Variants in SLC35F1 observed in about 807,000 individuals in gnomAD.
SLC35F1 encodes the protein chromosome 6 open reading frame 169.
A neutral mutation model predicts 48.7 loss-of-function variants in SLC35F1; 14 were observed. The ratio of observed to expected loss-of-function variants is 0.29; its 90% CI spans 0.19 to 0.45. SLC35F1 has a LOEUF of 0.45. Among genes scored for constraint, SLC35F1 ranks in the 20% least tolerant of loss-of-function variants. SLC35F1 has a pLI of 1.00. For missense variants in SLC35F1, 404 were observed against 500.0 expected (o/e 0.81, Z 1.83); for synonymous variants, 190 against 202.2 (o/e 0.94, Z 0.51).
chr6:117,982,686 A>G lies in SLC35F1; in HGVS notation c.173+74787A>G, dbSNP rs75944331. 6.1e-3 allele frequency among the ~76,000 whole-genome samples: 933 copies of G among 152,336 alleles called. 12 individuals are homozygous for G. The highest frequency in any genetic ancestry group is 0.021 in the African/African-American group (886 of 41,574). On this transcript the variant is annotated intron_variant, in intron 1 of 7. Coordinates refer to ENST00000360388, the MANE Select transcript of SLC35F1 (RefSeq NM_001029858.4). ...AAGTGCTTCCAACTGGCAGAATTGT[A>G]TGAACATTATCAGTGAGAACTTCTC...
At chr6:118,132,863 C>T (rs11153724) in intron 1 of SLC35F1, among the ~76,000 whole-genome samples, 50,105 of 151,960 alleles carry the variant, frequency 0.33, 9,354 homozygotes, top group Non-Finnish European at 0.43. Context: ...GCAGAAGGGG[C>T]GGGGTATATC....
chr6:118,077,590 G>A (rs193051865), intron 1 of SLC35F1, among the ~76,000 whole-genome samples: 23 of 152,172 alleles, frequency 1.5e-4, no homozygotes, highest in Admixed American at 1.3e-4. Flanking sequence ...CATAATATAC[G>A]TGTAAAGTAG....
At chr6:117,917,779 T>C (rs1387003728) in intron 1 of SLC35F1, among the ~76,000 whole-genome samples, 1 of 151,842 alleles carries the variant, frequency 6.6e-6, no homozygotes, top group African/African-American at 2.4e-5. Context: ...TGGGGAGAAG[T>C]CAGAGCTTGG....
chr6:118,096,698 A>T (rs1349035604), intron 1 of SLC35F1, among the ~76,000 whole-genome samples: 1 of 152,260 alleles, frequency 6.6e-6, no homozygotes, highest in South Asian at 2.1e-4. Flanking sequence ...GCCAAGGGAG[A>T]TACACCACTC....
At chr6:118,015,531 A>G (rs568876288) in intron 1 of SLC35F1, among the ~76,000 whole-genome samples, 1 of 151,906 alleles carries the variant, frequency 6.6e-6, no homozygotes, top group South Asian at 2.1e-4. Flanking sequence ...CACAGAGAAC[A>G]TGCGGTGTTT....
intron 2 of SLC35F1, among the ~76,000 whole-genome samples, chr6:118,173,074 TC>T (rs748031197): frequency 2.0e-5 from 3 of 152,080 alleles, no homozygotes; most frequent in East Asian, 3.9e-4. Context: ...TCATCTTTAA[TC>T]CCCACAAGCA....
intron 1 of SLC35F1, among the ~76,000 whole-genome samples, chr6:117,955,076 C>T (rs1482970120): frequency 1.3e-5 from 2 of 151,966 alleles, no homozygotes; most frequent in Admixed American, 6.6e-5. Flanking sequence ...AAAAATGTAC[C>T]ATGGGTAAGT....
chr6:117,980,788 AG>A (rs1016310301), intron 1 of SLC35F1, among the ~76,000 whole-genome samples: 105 of 152,332 alleles, frequency 6.9e-4, no homozygotes, highest in African/African-American at 2.5e-3. Flanking sequence ...TTTTCAAAGG[AG>A]GTGACATCTG....
intron 7 of SLC35F1, among the ~76,000 whole-genome samples, chr6:118,299,440 G>A (rs1776231050): frequency 6.6e-6 from 1 of 152,146 alleles, no homozygotes; most frequent in Non-Finnish European, 1.5e-5. Context: ...ATGAAGCCTA[G>A]AGATCTGTTT....
At chr6:118,106,293 T>C (rs1437240225) in intron 1 of SLC35F1, among the ~76,000 whole-genome samples, 1 of 152,208 alleles carries the variant, frequency 6.6e-6, no homozygotes, top group Non-Finnish European at 1.5e-5. Context: ...GTATACTCAA[T>C]GTCTTTCTTT....
chr6:118,303,145 T>G (rs2114662408), intron 7 of SLC35F1, among the ~76,000 whole-genome samples: 1 of 152,326 alleles, frequency 6.6e-6, no homozygotes. Context: ...CCAATACTGA[T>G]GCAAGGGAGC....
intron 1 of SLC35F1, among the ~76,000 whole-genome samples, chr6:118,002,667 T>C (rs562656229): frequency 1.3e-5 from 2 of 152,064 alleles, no homozygotes; most frequent in East Asian, 1.9e-4. Flanking sequence ...TAAATAATAA[T>C]TTTTTCAAGG....
chr6:118,105,811 T>C (rs1350097402), intron 1 of SLC35F1, among the ~76,000 whole-genome samples: 1 of 152,296 alleles, frequency 6.6e-6, no homozygotes, highest in East Asian at 1.9e-4. Flanking sequence ...GATGACCTTA[T>C]CCACTATCAT....
chr6:117,913,792 C>T (rs1195180103), intron 1 of SLC35F1, among the ~76,000 whole-genome samples: 12 of 152,140 alleles, frequency 7.9e-5, no homozygotes, highest in Admixed American at 7.2e-4. Flanking sequence ...TGGCTCACAA[C>T]TGTAATCCCA....
intron 1 of SLC35F1, among the ~76,000 whole-genome samples, chr6:118,078,491 A>G (rs144142895): frequency 2.0e-5 from 3 of 152,362 alleles, no homozygotes; most frequent in African/African-American, 7.2e-5. Flanking sequence ...CTTTATAGTC[A>G]CACACCAAGT....
intron 7 of SLC35F1, among the ~76,000 whole-genome samples, chr6:118,286,252 G>A (rs1314590266): frequency 6.6e-6 from 1 of 152,186 alleles, no homozygotes; most frequent in Admixed American, 6.5e-5. Flanking sequence ...TTCTAGCCAA[G>A]TTCCTCACCA....
At chr6:118,179,805 G>T (rs1774544920) in intron 2 of SLC35F1, among the ~76,000 whole-genome samples, 1 of 152,110 alleles carries the variant, frequency 6.6e-6, no homozygotes, top group African/African-American at 2.4e-5. Context: ...CAGGCCAGTA[G>T]CTCCTATAGA....
At chr6:118,101,761 A>G (rs1054024519) in intron 1 of SLC35F1, among the ~76,000 whole-genome samples, 1 of 152,238 alleles carries the variant, frequency 6.6e-6, no homozygotes, top group Non-Finnish European at 1.5e-5. Flanking sequence ...CATGCTATGC[A>G]TGGATGGAGC....
chr6:118,112,131 C>CTT (rs1773415841), intron 1 of SLC35F1, among the ~76,000 whole-genome samples: 1 of 81,686 alleles, frequency 1.2e-5, no homozygotes, highest in Admixed American at 1.6e-4. Context: ...CTTTTCTTTT[C>CTT]TTTTCTTTTC....
Sources: allele counts gnomAD v4.1 joint callset (sites outside exome capture counted in the v4.1 genomes callset), GRCh38; gene constraint gnomAD v4.1.1; transcripts MANE v1.5; gene names NCBI Gene and HGNC (gene_info 2026-07-23, HGNC 2026-07-21).